The following STAB1 variants were observed in gnomAD, a reference collection of about 807,000 sequenced individuals.
The protein encoded by STAB1 is stabilin-1.
STAB1 carries 250 observed loss-of-function variants against 332.4 expected under a neutral mutation model. The observed-to-expected ratio is 0.75, with a 90% CI of 0.68 to 0.84. STAB1 has a LOEUF of 0.84. Ranked by LOEUF, STAB1 falls within the 40% of genes least tolerant of loss-of-function variation. The pLI, the probability that STAB1 is intolerant of heterozygous loss-of-function variation, is 0.00. For missense variants in STAB1, 3,249 were observed against 3,489.7 expected (o/e 0.93, Z 1.74); for synonymous variants, 1,475 against 1,390.4 (o/e 1.06, Z -1.35).
chr3:52,502,561 C>T, intron 5 of STAB1, 71 bp from the exon 6 acceptor site: 2 of 1,356,892 alleles, frequency 1.5e-6, no homozygotes, highest in South Asian at 1.2e-5. Flanking sequence ...ATACAGAGAG[C>T]AGGGACCCGA....
intron 50 of STAB1, 86 bp downstream of exon 50, chr3:52,519,650 A>C: frequency 6.4e-7 from 1 of 1,560,514 alleles, no homozygotes; most frequent in Non-Finnish European, 8.8e-7. Flanking sequence ...GTGTGTGCAT[A>C]CCCACCTGTG....
intron 29 of STAB1, 31 bp from the exon 30 acceptor site, chr3:52,513,099 T>G: frequency 1.3e-6 from 2 of 1,554,858 alleles, no homozygotes; most frequent in Non-Finnish European, 1.7e-6. Flanking sequence ...CTAACCTGAT[T>G]CCATGACCCC....
chr3:52,514,059 C>T (rs1420223671), intron 32 of STAB1, 56 bp from the exon 33 acceptor site: 2 of 1,600,884 alleles, frequency 1.2e-6, no homozygotes, highest in East Asian at 4.5e-5. Flanking sequence ...TGGCTGGCTC[C>T]CAGTGTCAGG....
Position 52,495,483 on chromosome 3 carries a change from A to AG in STAB1, c.75dup (p.Gln26AlafsTer8), listed in dbSNP as rs775730980. 4 of 1,338,942 alleles carry AG rather than the reference A, an allele frequency of 3.0e-6. No homozygotes were observed. The highest frequency in any genetic ancestry group is 3.9e-6 in the Non-Finnish European group (4 of 1,037,486). 82.9% of individuals were successfully genotyped at this position (1,338,942 alleles called of 1,614,324 possible). A position where few individuals can be genotyped will look rare whatever the true frequency, so the allele number is the denominator to read the frequency against. On this transcript the variant is annotated frameshift_variant, in exon 1 of 69. Coordinates refer to ENST00000321725, the MANE Select transcript of STAB1 (RefSeq NM_015136.3). LOFTEE classifies it high-confidence loss of function. ...CTGCCTGGCAGGCTTCAGCTTCGTC[A>AG]GGGGGCAGGTAAGTGTGAGCCAGTC...
chr3:52,517,780 G>T, intron 44 of STAB1, 101 bp from the exon 45 acceptor site: 2 of 1,586,952 alleles, frequency 1.3e-6, no homozygotes, highest in East Asian at 2.2e-5. Context: ...AATAGGATCT[G>T]GGGGGCTGAG....
chr3:52,509,494 A>C, intron 22 of STAB1, 173 bp downstream of exon 22: 1 of 612,444 alleles, frequency 1.6e-6, no homozygotes, highest in Non-Finnish European at 2.8e-6. Flanking sequence ...AGGGAAACGA[A>C]GCCCCAGGAG....
At chr3:52,516,289 C>T in intron 38 of STAB1, 51 bp downstream of exon 38, 1 of 1,607,788 alleles carries the variant, frequency 6.2e-7, no homozygotes, top group Non-Finnish European at 8.5e-7. Context: ...AGAGAGCAGC[C>T]TGGAGACCCC....
At chr3:52,510,119 C>T (rs749011904) in intron 23 of STAB1, 23 bp from the exon 24 acceptor site, 6 of 1,613,680 alleles carry the variant, frequency 3.7e-6, no homozygotes, top group East Asian at 2.2e-5. Context: ...CTCACTGGAG[C>T]CCCCTCCTTC....
intron 50 of STAB1, 181 bp from the exon 51 acceptor site, chr3:52,519,763 C>A: frequency 8.9e-7 from 1 of 1,127,930 alleles, no homozygotes; most frequent in Non-Finnish European, 1.2e-6. Flanking sequence ...TTATGTGTGC[C>A]CACATTCCTG....
chr3:52,513,034 G>A, intron 29 of STAB1, 76 bp downstream of exon 29: 1 of 1,565,712 alleles, frequency 6.4e-7, no homozygotes, highest in Admixed American at 1.9e-5. Context: ...TCCTCAGCCT[G>A]GCAGGCACTC....
At position 52,522,652 on chromosome 3, in the gene STAB1, CCTTG is replaced by C. The variant is rs2079113628; in HGVS notation, c.6712_6715del (p.Ala2238HisfsTer44). The C allele has an allele frequency of 1.2e-5, 19 of 1,612,852 alleles. No individual in the cohort carries two copies. The highest frequency in any genetic ancestry group is 1.6e-5 in the Non-Finnish European group (19 of 1,180,054). ...CGGCATGCGAAGCACAGGGAGCCGTCCTTGCTTCATTCCCTCAGCTCTCTGCTGC... is the reference window on the plus strand; with the variant it reads ...CGGCATGCGAAGCACAGGGAGCCGTCCTTCATTCCCTCAGCTCTCTGCTGC... On this transcript the variant is annotated frameshift_variant, in exon 61 of 69. Coordinates refer to ENST00000321725, the MANE Select transcript of STAB1 (RefSeq NM_015136.3). LOFTEE classifies it high-confidence loss of function.
chr3:52,504,089 G>C lies in STAB1; in HGVS notation c.1084G>C (p.Glu362Gln). The C allele has an allele frequency of 6.3e-7, 1 of 1,588,576 alleles. No homozygotes were observed. The highest frequency in any genetic ancestry group is 8.6e-7 in the Non-Finnish European group (1 of 1,167,686). Residue 362 changes from glutamate to glutamine, a missense_variant, in exon 10 of 69, where the codon GAG becomes CAG. By Grantham distance (29) the Glu-to-Gln change is conservative (BLOSUM62 2). Transcript: ENST00000321725. ...TGCCTGCTACGGACACCTGCTCCAC[G>C]AGGTGCAGAAGGCCACGCAGACAGG... ...GRACYGHLLHEVQKATQTGRV... is the reference protein window; with the variant it reads ...GRACYGHLLHQVQKATQTGRV...
intron 40 of STAB1, 29 bp from the exon 41 acceptor site, chr3:52,516,663 G>C: frequency 6.2e-7 from 1 of 1,612,418 alleles, no homozygotes; most frequent in Non-Finnish European, 8.5e-7. Context: ...GACAGGCATG[G>C]GCTAAGCTGC....
intron 17 of STAB1, among the ~76,000 whole-genome samples, 160 bp from the exon 18 acceptor site, chr3:52,506,532 G>A (rs1165704362): frequency 6.6e-6 from 1 of 152,236 alleles, no homozygotes; most frequent in Non-Finnish European, 1.5e-5. Flanking sequence ...AGTGTCGTTG[G>A]CCAGAGCTGA....
At chr3:52,503,708 G>C in intron 8 of STAB1, 64 bp from the exon 9 acceptor site, 3 of 1,604,762 alleles carry the variant, frequency 1.9e-6, no homozygotes, top group Non-Finnish European at 2.6e-6. Flanking sequence ...TCTATGGGTA[G>C]GGCAGACACC....
intron 37 of STAB1, 41 bp from the exon 38 acceptor site, chr3:52,516,002 C>T: frequency 6.5e-7 from 1 of 1,542,712 alleles, no homozygotes; most frequent in Non-Finnish European, 8.7e-7. Context: ...TGACACCTTG[C>T]TGGGCCTCTC....
Position 52,513,869 on chromosome 3 carries a change from G to A in STAB1, c.3349-14G>A. 1 of 1,611,052 alleles carries A rather than the reference G, an allele frequency of 6.2e-7. No homozygotes were observed. ...AGCAATGACATACTGACCAGGCCCTGTGCTCTGTACCAGGTCTTACTGCCC... is the reference window on the plus strand; with the variant it reads ...AGCAATGACATACTGACCAGGCCCTATGCTCTGTACCAGGTCTTACTGCCC... On this transcript the variant is annotated splice_polypyrimidine_tract_variant and intron_variant, in intron 31 of 68. Transcript: ENST00000321725.
Position 52,509,333 on chromosome 3 carries a change from TGGCTCA to T in STAB1, c.2347+16_2347+21del. ...GCAATGCCAGGAAGGTGGGTGGTCCTGGCTCAGGCCACCTCCTAGGGAGAAAAAACG... is the reference window on the plus strand; with the variant it reads ...GCAATGCCAGGAAGGTGGGTGGTCCTGGCCACCTCCTAGGGAGAAAAAACG... On this transcript the variant is annotated intron_variant, in intron 22 of 68. Coordinates refer to ENST00000321725, the MANE Select transcript of STAB1 (RefSeq NM_015136.3). 2 of 1,611,064 alleles carry T rather than the reference TGGCTCA, an allele frequency of 1.2e-6. No homozygotes were observed. The highest frequency in any genetic ancestry group is 1.7e-6 in the Non-Finnish European group (2 of 1,178,384).
At chr3:52,501,604 CT>C in intron 2 of STAB1, 33 bp from the exon 3 acceptor site, 1 of 1,535,160 alleles carries the variant, frequency 6.5e-7, no homozygotes, top group Non-Finnish European at 8.8e-7. Context: ...GCAAGGGAGC[CT>C]TTTCCATCAC....
Sources: gnomAD v4.1 joint callset for allele counts (sites outside exome capture counted in the v4.1 genomes callset) on GRCh38, gnomAD v4.1.1 for gene constraint, MANE v1.5 for transcripts, NCBI Gene and HGNC (gene_info 2026-07-23, HGNC 2026-07-21) for gene names.